Variants in COL24A1 observed in about 807,000 individuals in gnomAD.
COL24A1 encodes collagen type XXIV alpha 1 chain, also known as collagen alpha-1(XXIV) chain.
Under a neutral mutation model 253.9 loss-of-function variants are expected in COL24A1, and 224 were observed. The observed-to-expected ratio is 0.88, with a 90% confidence interval of 0.79 to 0.99. The LOEUF is 0.99. Among genes scored for constraint, COL24A1 ranks in the 50% least tolerant of loss-of-function variants. The pLI is 0.00. For missense variants in COL24A1, 2,131 were observed against 2,068.5 expected, an observed-to-expected ratio of 1.03 and a Z score of -0.59; for synonymous variants, 685 against 673.7, an observed-to-expected ratio of 1.02 and a Z score of -0.26.
rs1355158469 is a variant in COL24A1 at position 86,011,543 on chromosome 1, C to T, written c.2310+5608G>A. Among the ~76,000 whole-genome samples the T allele has an allele frequency of 3.9e-5, 6 of 152,198 alleles. No individual in the cohort carries two copies. The East Asian group carries it at 5.8e-4, about 15-fold the overall frequency. On this transcript the variant is annotated intron_variant, in intron 19 of 59. Coordinates refer to ENST00000370571, the MANE Select transcript of COL24A1 (RefSeq NM_152890.7). ...TACTATAAAACTTGTGCTTTTGAAT[C>T]ACATTCACCCTGTACTGCAAAGGCA...
intron 47 of COL24A1, among the ~76,000 whole-genome samples, chr1:85,796,112 G>A (rs1200290443): frequency 6.6e-6 from 1 of 152,138 alleles, no homozygotes; most frequent in Non-Finnish European, 1.5e-5. Context: ...ATATACTAAA[G>A]TTAGGAGGTA....
chr1:85,808,355 G>T (rs879557704), intron 47 of COL24A1, among the ~76,000 whole-genome samples: 1 of 152,190 alleles, frequency 6.6e-6, no homozygotes, highest in South Asian at 2.1e-4. Flanking sequence ...GTTGGGGGAT[G>T]ATGCCAATTA....
intron 18 of COL24A1, among the ~76,000 whole-genome samples, chr1:86,019,850 C>A (rs1413634391): frequency 1.3e-5 from 2 of 149,806 alleles, no homozygotes; most frequent in East Asian, 3.9e-4. Context: ...AAAAGAACAT[C>A]ATTAGCATTT....
At chr1:86,138,401 T>G (rs1352880960) in intron 2 of COL24A1, among the ~76,000 whole-genome samples, 1 of 152,090 alleles carries the variant, frequency 6.6e-6, no homozygotes, top group Non-Finnish European at 1.5e-5. Context: ...CCTGATATGG[T>G]TTGGCTGTGT....
chr1:85,925,228 A>G (rs921047272), intron 24 of COL24A1, among the ~76,000 whole-genome samples: 1 of 152,164 alleles, frequency 6.6e-6, no homozygotes, highest in African/African-American at 2.4e-5. Flanking sequence ...AATCAATATC[A>G]TGGTAATGGC....
chr1:85,828,459 T>C (rs959569160), intron 43 of COL24A1, among the ~76,000 whole-genome samples: 1 of 151,408 alleles, frequency 6.6e-6, no homozygotes. Flanking sequence ...CAGAGCTGAG[T>C]TGAATTCCTG....
At chr1:85,889,408 T>A (rs1682866966) in intron 32 of COL24A1, 152 bp downstream of exon 32, 2 of 572,308 alleles carry the variant, frequency 3.5e-6, no homozygotes, top group Non-Finnish European at 6.0e-6. Flanking sequence ...CACTATAAAC[T>A]ATTATTTTTC....
chr1:85,823,693 C>A lies in COL24A1; in HGVS notation c.3727G>T (p.Gly1243Ter). The A allele has an allele frequency of 6.2e-7, 1 of 1,613,762 alleles. No individual in the cohort carries two copies. The highest frequency in any genetic ancestry group is 8.5e-7 in the Non-Finnish European group (1 of 1,179,844). Reference sequence around the variant, plus strand: ...ATGCTTTCAAAACATACTGGGGGTCCTTGTTGTCCAGTGGCACCTCTTAGT... The same window carrying A: ...ATGCTTTCAAAACATACTGGGGGTCATTGTTGTCCAGTGGCACCTCTTAGT... ...PGLRGATGQQ[G>*]PPGEPGDQGE... The change falls in exon 44 of 60, where the codon GGA becomes TGA. Residue 1243 changes from glycine to a stop codon, truncating the protein, a stop_gained. Coordinates refer to ENST00000370571, the MANE Select transcript of COL24A1 (RefSeq NM_152890.7). LOFTEE classifies it high-confidence loss of function.
In COL24A1 at chr1:86,066,302, G is replaced by C. The variant is rs546668972; in HGVS notation, c.1708-2543C>G. ...CCCTCAGGCTGGAGTGCAGTGGCAC[G>C]ATCTCGGCTCACTGCAAGCTCCGCC... On this transcript the variant is annotated intron_variant, in intron 7 of 59. Coordinates refer to ENST00000370571, the MANE Select transcript of COL24A1 (RefSeq NM_152890.7). Among the ~76,000 whole-genome samples, 24 of 135,336 alleles carry C rather than the reference G, an allele frequency of 1.8e-4. No homozygotes were observed. In the East Asian group the frequency reaches 4.4e-3, roughly 25 times the overall value. The allele number at this position is 135,336 out of a possible 152,430, so 88.8% of individuals were successfully genotyped here.
intron 12 of COL24A1, among the ~76,000 whole-genome samples, chr1:86,041,041 A>T (rs1699436021): frequency 6.6e-6 from 1 of 152,218 alleles, no homozygotes; most frequent in Non-Finnish European, 1.5e-5. Flanking sequence ...TAGATTTAGA[A>T]GCCAAAATAC....
intron 19 of COL24A1, among the ~76,000 whole-genome samples, chr1:86,011,067 T>C (rs1254015508): frequency 1.3e-5 from 2 of 152,124 alleles, no homozygotes; most frequent in Non-Finnish European, 2.9e-5. Context: ...TCTAACTTTG[T>C]CCTATATAGC....
intron 37 of COL24A1, among the ~76,000 whole-genome samples, chr1:85,854,736 C>T (rs1312684946): frequency 6.7e-6 from 1 of 150,068 alleles, no homozygotes; most frequent in Non-Finnish European, 1.5e-5. Context: ...GATAAAGTCT[C>T]GCTCTGTCAC....
chr1:85,858,631 C>T (rs1440823116), intron 37 of COL24A1, among the ~76,000 whole-genome samples: 1 of 130,688 alleles, frequency 7.7e-6, no homozygotes, highest in Non-Finnish European at 1.6e-5. Flanking sequence ...CTCCTTCCTT[C>T]CTTCCTTCCT....
chr1:86,071,006 C>A (rs1257017191), intron 7 of COL24A1, among the ~76,000 whole-genome samples: 1 of 151,856 alleles, frequency 6.6e-6, no homozygotes, highest in African/African-American at 2.4e-5. Flanking sequence ...AAATGAAAAA[C>A]CAATAAAAAA....
At chr1:86,084,628 A>G (rs898835024) in intron 7 of COL24A1, among the ~76,000 whole-genome samples, 1 of 152,230 alleles carries the variant, frequency 6.6e-6, no homozygotes, top group Admixed American at 6.5e-5. Context: ...TTCTAAGAAC[A>G]CAGAAATATT....
intron 47 of COL24A1, among the ~76,000 whole-genome samples, chr1:85,812,525 C>T (rs557468669): frequency 7.9e-5 from 12 of 152,050 alleles, no homozygotes; most frequent in Non-Finnish European, 1.8e-4. Context: ...GCTTGAGATA[C>T]GGATCTACAT....
Position 86,063,739 on chromosome 1 carries a change from TC to T in COL24A1, c.1727del (p.Gly576AspfsTer29). ...QGDKGLKGHP[G>X]LPGLPGEQGI... Reference sequence around the variant, plus strand: ...CTTGTTCACCTGGAAGTCCTGGGAGTCCAGGATGTCCTTTGAGACCCTGTAA... The same window carrying T: ...CTTGTTCACCTGGAAGTCCTGGGAGTCAGGATGTCCTTTGAGACCCTGTAA... On this transcript the variant is annotated frameshift_variant, in exon 8 of 60. Transcript: ENST00000370571. LOFTEE classifies it high-confidence loss of function. 6.4e-7 allele frequency: 1 copy of T among 1,552,040 alleles called. No individual in the cohort carries two copies. The highest frequency in any genetic ancestry group is 8.7e-7 in the Non-Finnish European group (1 of 1,148,458).
At position 85,889,600 on chromosome 1, in the gene COL24A1, A is replaced by G. The variant is rs1321897350; in HGVS notation, c.2936T>C (p.Leu979Ser). The part of the protein sequence containing the change: ...GFQGKPGLQG[L>S]PGSTGDRGLP... The stretch of plus-strand genomic sequence containing the variant: ...TCCTCTGTCACCTGTACTTCCAGGC[A>G]ATCCCTGTAAACCCTGGACAAATAA... The change falls in exon 32 of 60, where the codon TTG becomes TCG. Residue 979 changes from leucine to serine, a missense_variant. Leu to Ser is a moderately radical substitution (Grantham distance 145, BLOSUM62 -2). Transcript: ENST00000370571. 5 of 1,613,214 alleles carry G rather than the reference A, an allele frequency of 3.1e-6. No individual in the cohort carries two copies. The highest frequency in any genetic ancestry group is 1.3e-5 in the African/African-American group (1 of 74,902).
At chr1:85,908,844 G>GTAGTTT (rs1473281536) in intron 26 of COL24A1, among the ~76,000 whole-genome samples, 193 bp from the exon 27 acceptor site, 1 of 151,670 alleles carries the variant, frequency 6.6e-6, no homozygotes, top group African/African-American at 2.4e-5. Flanking sequence ...AAAATTTTCT[G>GTAGTTT]TAGTTTTATT....
Sources: allele counts gnomAD v4.1 joint callset (sites outside exome capture counted in the v4.1 genomes callset), GRCh38; gene constraint gnomAD v4.1.1; transcripts MANE v1.5; gene names NCBI Gene and HGNC (gene_info 2026-07-23, HGNC 2026-07-21).